The following GUCY2C variants were observed in gnomAD, a reference collection of about 807,000 sequenced individuals.
The protein encoded by GUCY2C is guanylate cyclase 2C.
GUCY2C carries 118 observed loss-of-function variants against 131.1 expected under a neutral mutation model. That is an observed-to-expected ratio of 0.90 (90% confidence interval 0.78 to 1.05). The LOEUF is 1.05. GUCY2C is among the 50% of genes least tolerant of loss of function. GUCY2C has a pLI of 0.00. For missense variants in GUCY2C, 1,161 were observed against 1,304.4 expected (o/e 0.89, Z 1.69); for synonymous variants, 452 against 457.8 (o/e 0.99, Z 0.16).
intron 10 of GUCY2C, among the ~76,000 whole-genome samples, chr12:14,665,478 T>C (rs1389738996): frequency 6.6e-6 from 1 of 152,186 alleles, no homozygotes; most frequent in Non-Finnish European, 1.5e-5. Flanking sequence ...TTGGACTGTA[T>C]TCTGTAGGTA....
chr12:14,679,556 A>T, intron 6 of GUCY2C, 101 bp downstream of exon 6: 1 of 688,250 alleles, frequency 1.5e-6, no homozygotes, highest in South Asian at 1.7e-5. Flanking sequence ...TAACCCCATA[A>T]GGGGTTGTAC....
Position 14,673,031 on chromosome 12 carries a change from G to A in GUCY2C, c.1085-73C>T, listed in dbSNP as rs11833202. ...GACAGATAAGTTGGATCATGACAGAGAGTGTAAAATGGGTTCAAATAGCTC... is the reference window on the plus strand; with the variant it reads ...GACAGATAAGTTGGATCATGACAGAAAGTGTAAAATGGGTTCAAATAGCTC... On this transcript the variant is annotated intron_variant, in intron 8 of 26. Transcript: ENST00000261170. The A allele has an allele frequency of 3.5e-6, 3 of 866,050 alleles. No homozygotes were observed. The African/African-American group carries it at 4.9e-5, about 14-fold the overall frequency. 53.6% of individuals were successfully genotyped at this position (866,050 alleles called of 1,614,324 possible). A position where few individuals can be genotyped will look rare whatever the true frequency, so the allele number is the denominator to read the frequency against.
At chr12:14,622,331 G>A (rs1004938225) in intron 21 of GUCY2C, 134 bp from the exon 22 acceptor site, 5 of 569,442 alleles carry the variant, frequency 8.8e-6, no homozygotes, top group African/African-American at 3.8e-5. Context: ...TGAGTGAATC[G>A]GAAACAGAGG....
At chr12:14,628,375 T>C (rs577517305) in intron 20 of GUCY2C, among the ~76,000 whole-genome samples, 1 of 152,348 alleles carries the variant, frequency 6.6e-6, no homozygotes, top group Admixed American at 6.5e-5. Context: ...CCAGAAGCTC[T>C]ATTTTTAACA....
intron 6 of GUCY2C, among the ~76,000 whole-genome samples, chr12:14,677,736 AT>A (rs67108274): frequency 1.5e-5 from 2 of 134,016 alleles, no homozygotes; most frequent in Admixed American, 7.6e-5. Flanking sequence ...ACGCCCAGCT[AT>A]TTTTTTTTTT....
At chr12:14,615,631 T>A (rs1175874566) in intron 25 of GUCY2C, among the ~76,000 whole-genome samples, 2 of 143,946 alleles carry the variant, frequency 1.4e-5, no homozygotes, top group East Asian at 1.9e-4. Flanking sequence ...AATGAGTGAT[T>A]GATATATATA....
intron 19 of GUCY2C, among the ~76,000 whole-genome samples, chr12:14,631,192 A>T (rs1209760981): frequency 1.3e-5 from 2 of 152,154 alleles, no homozygotes; most frequent in African/African-American, 2.4e-5. Flanking sequence ...GGAACAAAAG[A>T]TGTTTTTGTT....
chr12:14,626,156 A>G (rs950989111), intron 20 of GUCY2C, among the ~76,000 whole-genome samples: 46 of 152,180 alleles, frequency 3.0e-4, no homozygotes, highest in Non-Finnish European at 7.3e-5. Context: ...CCTGACCAAC[A>G]TGGTGAAACC....
rs775760560 is a variant in GUCY2C at position 14,651,440 on chromosome 12, C to T, written c.1677G>A (p.Gly559=). 2 of 1,600,918 alleles carry T rather than the reference C, an allele frequency of 1.2e-6. No individual in the cohort carries two copies. Among genetic ancestry groups the T allele is most frequent in the African/African-American group, 2.7e-5 (2 of 74,574 alleles). Residue 559 remains glycine, a synonymous_variant, in exon 15 of 27, where the codon GGG becomes GGA. Coordinates refer to ENST00000261170, the MANE Select transcript of GUCY2C (RefSeq NM_004963.4). The part of the protein sequence containing the change: ...GTVKLDTMIF[G]VIEYCERGSL... ...ATCCTCTCTCACAGTATTCTATCAC[C>T]CCGAAGATCATGGTATCAAGTTTCA...
rs1306404910 is a variant in GUCY2C, at chr12:14,666,687, A to G, written c.1282+3035T>C. ...GAGGCAGAGGTTGCAGTGAGCCAAG[A>G]TTGCACCACTGTACTCCAGCCTGGG... On this transcript the variant is annotated intron_variant, in intron 10 of 26. Coordinates refer to ENST00000261170, the MANE Select transcript of GUCY2C (RefSeq NM_004963.4). 2.7e-5 allele frequency among the ~76,000 whole-genome samples: 4 copies of G among 150,598 alleles called. No individual in the cohort carries two copies. The East Asian group carries it at 7.8e-4, about 29-fold the overall frequency.
chr12:14,673,609 C>T (rs182824845), intron 8 of GUCY2C, among the ~76,000 whole-genome samples: 44 of 152,094 alleles, frequency 2.9e-4, no homozygotes, highest in African/African-American at 9.2e-4. Flanking sequence ...TTATTATCTC[C>T]GTTATATTGG....
chr12:14,639,148 A>G (rs978284844), intron 19 of GUCY2C, among the ~76,000 whole-genome samples: 2 of 151,992 alleles, frequency 1.3e-5, no homozygotes, highest in Non-Finnish European at 2.9e-5. Flanking sequence ...AAATACAAAA[A>G]TTAGCTGGGT....
chr12:14,679,894 T>G, intron 5 of GUCY2C, 141 bp from the exon 6 acceptor site: 1 of 444,448 alleles, frequency 2.2e-6, no homozygotes, highest in Non-Finnish European at 3.8e-6. Context: ...AATTCCTCCT[T>G]CCTTTTTTTT....
chr12:14,634,854 A>G (rs1219297866), intron 19 of GUCY2C, among the ~76,000 whole-genome samples: 3 of 152,200 alleles, frequency 2.0e-5, no homozygotes, highest in African/African-American at 7.2e-5. Flanking sequence ...AAAACTGTAA[A>G]AAGAGACAAA....
chr12:14,621,048 G>A lies in GUCY2C; in HGVS notation c.2770C>T (p.His924Tyr). The stretch of plus-strand genomic sequence containing the variant: ...AAGATGCTCAACTCCATACCAGAGT[G>A]AACTCCAATGCGAATCCATATTGGG... ...GLPIWIRIGV[H>Y]SGPCAAGVVG... The change falls in exon 23 of 27, where the codon CAC becomes TAC. Residue 924 changes from histidine (H) to tyrosine (Y), a missense_variant. His to Tyr is a moderately conservative substitution (Grantham distance 83). Coordinates refer to ENST00000261170, the MANE Select transcript of GUCY2C (RefSeq NM_004963.4). 6.2e-7 allele frequency: 1 copy of A among 1,613,450 alleles called. No individual in the cohort carries two copies. The highest frequency in any genetic ancestry group is 8.5e-7 in the Non-Finnish European group (1 of 1,179,568).
intron 2 of GUCY2C, 56 bp from the exon 3 acceptor site, chr12:14,686,281 C>T: frequency 7.8e-7 from 1 of 1,282,614 alleles, no homozygotes; most frequent in South Asian, 1.2e-5. Flanking sequence ...ACTCAGTGGA[C>T]AGGAAAGAAG....
chr12:14,696,087 A>G (rs1948649657), intron 1 of GUCY2C, 145 bp downstream of exon 1: 1 of 666,672 alleles, frequency 1.5e-6, no homozygotes, highest in Non-Finnish European at 2.7e-6. Context: ...CTCTCTAAGG[A>G]GCTACTGTCA....
chr12:14,681,485 AG>A lies in GUCY2C; in HGVS notation c.612-9del, dbSNP rs1948347523. ...TCCAGAGCATTAAGGTACCTGGAAT[AG>A]GAAAAAGAGAAACTAAAACAGCTTA... is the stretch of plus-strand genomic sequence containing the variant. On this transcript the variant is annotated splice_polypyrimidine_tract_variant and intron_variant, in intron 4 of 26. Transcript: ENST00000261170. 1.4e-6 allele frequency: 2 copies of A among 1,472,610 alleles called. No individual in the cohort carries two copies. Among genetic ancestry groups the A allele is most frequent in the African/African-American group, 2.1e-5 (1 of 48,666 alleles). The allele number at this position is 1,472,610 out of a possible 1,614,324, so 91.2% of individuals were successfully genotyped here. A position where few individuals can be genotyped will look rare whatever the true frequency, so the allele number is the denominator to read the frequency against.
chr12:14,689,988 C>A (rs1248089764), intron 1 of GUCY2C, among the ~76,000 whole-genome samples: 6 of 152,186 alleles, frequency 3.9e-5, no homozygotes, highest in African/African-American at 9.6e-5. Flanking sequence ...ATTCTGTTTT[C>A]TTTCTTAGTA....
Sources: allele counts gnomAD v4.1 joint callset (sites outside exome capture counted in the v4.1 genomes callset), GRCh38; gene constraint gnomAD v4.1.1; transcripts MANE v1.5; gene names NCBI Gene and HGNC (gene_info 2026-07-23, HGNC 2026-07-21).